The following ADARB2 variants were observed in gnomAD, a reference collection of about 807,000 sequenced individuals.
The protein encoded by ADARB2 is inactive double-stranded RNA-specific editase B2.
Under a neutral mutation model 62.2 loss-of-function variants are expected in ADARB2, and 25 were observed. That is an observed-to-expected ratio of 0.40 (90% CI 0.29 to 0.56). The LOEUF is 0.56. Ranked by LOEUF, ADARB2 falls within the 20% of genes least tolerant of loss-of-function variation. The pLI, the probability that ADARB2 is intolerant of heterozygous loss-of-function variation, is 0.43. For synonymous variants in ADARB2, 572 were observed against 500.8 expected, an observed-to-expected ratio of 1.14 and a Z score of -1.90; for missense variants, 1,071 against 1,077.4, an observed-to-expected ratio of 0.99 and a Z score of 0.08.
chr10:1,587,242 A>T (rs1833192985), intron 1 of ADARB2, among the ~76,000 whole-genome samples: 1 of 152,220 alleles, frequency 6.6e-6, no homozygotes, highest in Non-Finnish European at 1.5e-5. Context: ...AAAAAGAACA[A>T]TGATTTCTGA....
At chr10:1,383,292 G>C (rs574124919) in intron 1 of ADARB2, among the ~76,000 whole-genome samples, 87 of 152,252 alleles carry the variant, frequency 5.7e-4, no homozygotes, top group African/African-American at 2.0e-3. Flanking sequence ...TCAGGGCTGA[G>C]GGAAAGAGAT....
At chr10:1,599,951 C>T (rs1385231330) in intron 1 of ADARB2, among the ~76,000 whole-genome samples, 1 of 152,104 alleles carries the variant, frequency 6.6e-6, no homozygotes, top group Non-Finnish European at 1.5e-5. Context: ...CACCATGTTG[C>T]CCTGGCTGGT....
At chr10:1,562,359 A>G (rs898818570) in intron 1 of ADARB2, among the ~76,000 whole-genome samples, 7 of 152,212 alleles carry the variant, frequency 4.6e-5, no homozygotes, top group Admixed American at 3.9e-4. Context: ...TCGCAGGACA[A>G]AGAGGTTAGG....
At chr10:1,557,219 C>A (rs928718337) in intron 1 of ADARB2, among the ~76,000 whole-genome samples, 4 of 108,778 alleles carry the variant, frequency 3.7e-5, no homozygotes, top group Admixed American at 1.1e-4. Flanking sequence ...ATGGTGCCCC[C>A]ATCTTTGCCC....
At chr10:1,701,886 C>T (rs1293476805) in intron 1 of ADARB2, among the ~76,000 whole-genome samples, 192 of 151,592 alleles carry the variant, frequency 1.3e-3, no homozygotes, top group Non-Finnish European at 1.6e-3. Flanking sequence ...AGACCAGGCG[C>T]TCGCCAATAC....
At position 1,712,758 on chromosome 10, in the gene ADARB2, A is replaced by G. The variant is rs571033432; in HGVS notation, c.100+24293T>C. 6.9e-5 allele frequency among the ~76,000 whole-genome samples: 7 copies of G among 101,086 alleles called. No individual in the cohort carries two copies. The South Asian group carries it at 1.5e-3, about 21-fold the overall frequency. The allele number at this position is 101,086 out of a possible 152,430, so 66.3% of individuals were successfully genotyped here. On this transcript the variant is annotated intron_variant, in intron 1 of 9. Coordinates refer to ENST00000381312, the MANE Select transcript of ADARB2 (RefSeq NM_018702.4). ...CGAGTAGCTGGGACTACAGGCTCCCACCACGACGCCCAACTAATTTTTTTG... is the reference window on the plus strand; with the variant it reads ...CGAGTAGCTGGGACTACAGGCTCCCGCCACGACGCCCAACTAATTTTTTTG...
chr10:1,500,870 A>G (rs996357893), intron 1 of ADARB2, among the ~76,000 whole-genome samples: 8 of 152,052 alleles, frequency 5.3e-5, no homozygotes, highest in Non-Finnish European at 1.2e-4. Flanking sequence ...CACCTTTTAA[A>G]ATTTTACTTT....
At chr10:1,416,104 ACTT>A (rs546328067) in intron 1 of ADARB2, among the ~76,000 whole-genome samples, 59 of 152,198 alleles carry the variant, frequency 3.9e-4, no homozygotes, top group Non-Finnish European at 7.3e-4. Context: ...AGTAGACATT[ACTT>A]CTTGTGATTG....
chr10:1,361,424 TG>T (rs1227563684), intron 3 of ADARB2: 2 of 152,196 alleles, frequency 1.3e-5, no homozygotes, highest in Non-Finnish European at 2.9e-5. Flanking sequence ...ACTTACATTG[TG>T]TTTTTATTTG....
chr10:1,514,489 C>T (rs28653202), intron 1 of ADARB2, among the ~76,000 whole-genome samples: 27,261 of 151,916 alleles, frequency 0.18, 2,952 homozygotes, highest in Non-Finnish European at 0.25. Context: ...GTATTTTCCT[C>T]CTACCTCCTC....
intron 4 of ADARB2, among the ~76,000 whole-genome samples, chr10:1,258,141 C>T (rs750599545): frequency 6.6e-5 from 10 of 152,062 alleles, no homozygotes; most frequent in Non-Finnish European, 1.5e-4. Flanking sequence ...TCTCTCCCTC[C>T]CTCCCTAACT....
intron 4 of ADARB2, among the ~76,000 whole-genome samples, chr10:1,254,095 G>A (rs144948656): frequency 1.3e-5 from 2 of 151,860 alleles, no homozygotes; most frequent in South Asian, 2.1e-4. Context: ...CGCGGTCTCT[G>A]GTTAGGATGC....
chr10:1,260,437 A>G (rs1589168286), intron 4 of ADARB2, among the ~76,000 whole-genome samples: 4 of 151,142 alleles, frequency 2.6e-5, no homozygotes, highest in African/African-American at 7.3e-5. Context: ...TTAAGCTGAT[A>G]AGCAACTTCA....
intron 1 of ADARB2, among the ~76,000 whole-genome samples, chr10:1,627,929 C>T (rs1833791966): frequency 6.6e-6 from 1 of 152,190 alleles, no homozygotes; most frequent in Admixed American, 6.5e-5. Context: ...GTGACTCCCC[C>T]CAGCATCACC....
At chr10:1,349,174 C>A (rs1019445380) in intron 3 of ADARB2, among the ~76,000 whole-genome samples, 2 of 152,124 alleles carry the variant, frequency 1.3e-5, no homozygotes, top group Non-Finnish European at 2.9e-5. Flanking sequence ...ACCTTATGAA[C>A]GTCCTTCTCC....
At chr10:1,695,900 A>G (rs1280797589) in intron 1 of ADARB2, among the ~76,000 whole-genome samples, 1 of 152,056 alleles carries the variant, frequency 6.6e-6, no homozygotes, top group Non-Finnish European at 1.5e-5. Context: ...GCATGAGGGC[A>G]CACACGTGCA....
chr10:1,504,970 G>T (rs571712453), intron 1 of ADARB2, among the ~76,000 whole-genome samples: 31 of 151,100 alleles, frequency 2.1e-4, no homozygotes, highest in African/African-American at 5.3e-4. Flanking sequence ...GACACACACA[G>T]ACACACATAC....
In ADARB2 at chr10:1,251,983, T is replaced by C. The variant is rs185025322; in HGVS notation, c.1193-9684A>G. On this transcript the variant is annotated intron_variant, in intron 4 of 9. Coordinates refer to ENST00000381312, the MANE Select transcript of ADARB2 (RefSeq NM_018702.4). Reference sequence around the variant, plus strand: ...CCCCCAGAACTGTGAGCAATGAACTTCTGTTGTTTATAAATGGCTCAGTCT... The same window carrying C: ...CCCCCAGAACTGTGAGCAATGAACTCCTGTTGTTTATAAATGGCTCAGTCT... 2.9e-3 allele frequency among the ~76,000 whole-genome samples: 445 copies of C among 152,242 alleles called. 3 individuals carry two copies. Among genetic ancestry groups the C allele is most frequent in the African/African-American group, 9.0e-3 (375 of 41,542 alleles).
chr10:1,630,472 C>T (rs76400329), intron 1 of ADARB2, among the ~76,000 whole-genome samples: 1 of 152,128 alleles, frequency 6.6e-6, no homozygotes, highest in Non-Finnish European at 1.5e-5. Flanking sequence ...ACAGTAAACT[C>T]TCTATCAGAA....
Sources: allele counts gnomAD v4.1 joint callset (sites outside exome capture counted in the v4.1 genomes callset), GRCh38; gene constraint gnomAD v4.1.1; transcripts MANE v1.5; gene names NCBI Gene and HGNC (gene_info 2026-07-23, HGNC 2026-07-21).